Variants in NFIB observed in about 807,000 individuals in gnomAD.
The protein encoded by NFIB is nuclear factor 1 B-type.
Under a neutral mutation model 61.5 loss-of-function variants are expected in NFIB, and 11 were observed. The ratio of observed to expected loss-of-function variants is 0.18; its 90% CI spans 0.11 to 0.30. The LOEUF (loss-of-function observed/expected upper bound fraction) is 0.30, where lower values mean the gene tolerates loss of function less well. Among genes scored for constraint, NFIB ranks in the 10% least tolerant of loss-of-function variants. The probability of loss-of-function intolerance (pLI) is 1.00; values close to 1 mark genes in which losing one functional copy is unlikely to be tolerated. For synonymous variants in NFIB, 260 were observed against 216.5 expected, an observed-to-expected ratio of 1.20 and a Z score of -1.76; for missense variants, 471 against 608.9, an observed-to-expected ratio of 0.77 and a Z score of 2.38.
At chr9:14,304,567 CCAGT>C (rs1194101721) in intron 2 of NFIB, among the ~76,000 whole-genome samples, 1 of 152,170 alleles carries the variant, frequency 6.6e-6, no homozygotes, top group African/African-American at 2.4e-5. Context: ...TGTTTTTCTC[CCAGT>C]CATTTAGAAG....
intron 1 of NFIB, among the ~76,000 whole-genome samples, chr9:14,388,857 A>T (rs1224037732): frequency 6.6e-6 from 1 of 152,350 alleles, no homozygotes; most frequent in East Asian, 1.9e-4. Flanking sequence ...TGTGTATATG[A>T]CATGTCTTGT....
chr9:14,262,772 T>C (rs1161282193), intron 2 of NFIB, among the ~76,000 whole-genome samples: 6 of 151,902 alleles, frequency 3.9e-5, no homozygotes, highest in Admixed American at 3.9e-4. Context: ...CAGCTGTTTG[T>C]TTTTTGTTTA....
chr9:14,375,559 G>A (rs971383812), intron 1 of NFIB, among the ~76,000 whole-genome samples: 6 of 152,198 alleles, frequency 3.9e-5, no homozygotes, highest in East Asian at 1.9e-4. Flanking sequence ...TTGGGAGGCC[G>A]AGGCAGAAGA....
intron 2 of NFIB, among the ~76,000 whole-genome samples, chr9:14,298,901 G>C (rs1029402410): frequency 1.3e-5 from 2 of 152,180 alleles, no homozygotes; most frequent in Non-Finnish European, 2.9e-5. Flanking sequence ...GTTGCATCAG[G>C]TAGCAGGGTT....
chr9:14,287,146 T>C (rs1009393372), intron 2 of NFIB, among the ~76,000 whole-genome samples: 4 of 151,936 alleles, frequency 2.6e-5, no homozygotes, highest in Non-Finnish European at 5.9e-5. Flanking sequence ...AAAGAGCTAT[T>C]ATAGGCCGGG....
At chr9:14,379,716 C>T (rs1326528089) in intron 1 of NFIB, among the ~76,000 whole-genome samples, 1 of 151,914 alleles carries the variant, frequency 6.6e-6, no homozygotes, top group African/African-American at 2.4e-5. Context: ...GAGTTTTGCT[C>T]TTGTCGCCCA....
chr9:14,439,806 G>A, the NFIB span, among the ~76,000 whole-genome samples: 1 of 152,200 alleles, frequency 6.6e-6, no homozygotes, highest in Non-Finnish European at 1.5e-5. Context: ...AACAAGTAGA[G>A]AGGCAAAAAC....
intron 3 of NFIB, among the ~76,000 whole-genome samples, chr9:14,175,090 G>A (rs1164296669): frequency 2.0e-5 from 3 of 148,774 alleles, no homozygotes; most frequent in Non-Finnish European, 4.4e-5. Context: ...ACAACCTTCT[G>A]TTGGCTTTGA....
the NFIB span, among the ~76,000 whole-genome samples, chr9:14,446,983 G>T: frequency 2.0e-5 from 3 of 152,024 alleles, no homozygotes; most frequent in African/African-American, 7.2e-5. Flanking sequence ...ATCTCTAATG[G>T]ATAAGAACAT....
chr9:14,179,675 C>T (rs894949423), intron 3 of NFIB, 52 bp downstream of exon 3: 8 of 1,596,764 alleles, frequency 5.0e-6, no homozygotes, highest in African/African-American at 1.3e-5. Context: ...TACAGTGGTA[C>T]CTTTGTTCTC....
the NFIB span, among the ~76,000 whole-genome samples, chr9:14,437,408 T>C: frequency 1.3e-5 from 2 of 152,314 alleles, no homozygotes; most frequent in Non-Finnish European, 2.9e-5. Context: ...CAGTCTGTTG[T>C]ATGAGTGATT....
chr9:14,388,948 T>A (rs895675811), intron 1 of NFIB, among the ~76,000 whole-genome samples: 6 of 152,206 alleles, frequency 3.9e-5, no homozygotes, highest in Non-Finnish European at 7.3e-5. Context: ...TTAAAATTTT[T>A]CATGCTGGGG....
chr9:14,390,968 A>G (rs140133224), intron 1 of NFIB, among the ~76,000 whole-genome samples: 23 of 152,342 alleles, frequency 1.5e-4, no homozygotes, highest in African/African-American at 5.5e-4. Context: ...TCATACTGAT[A>G]TAACAAAATG....
the NFIB span, among the ~76,000 whole-genome samples, chr9:14,421,064 T>G: frequency 7.0e-6 from 1 of 142,740 alleles, no homozygotes. Flanking sequence ...TCACATAATT[T>G]AAGAGCTCTG....
At chr9:14,283,341 A>T (rs932088977) in intron 2 of NFIB, among the ~76,000 whole-genome samples, 1 of 152,246 alleles carries the variant, frequency 6.6e-6, no homozygotes, top group Non-Finnish European at 1.5e-5. Flanking sequence ...GAAGGAATTT[A>T]GATTGAGAAA....
At chr9:14,527,087 T>G in the NFIB span, among the ~76,000 whole-genome samples, 1 of 152,154 alleles carries the variant, frequency 6.6e-6, no homozygotes, top group Non-Finnish European at 1.5e-5. Context: ...TGGAAGAAGA[T>G]TAATGTATTT....
At chr9:14,399,316 T>C (rs559998000), upstream of NFIB, among the ~76,000 whole-genome samples, 2 of 152,324 alleles carry the variant, frequency 1.3e-5, no homozygotes, top group Admixed American at 6.5e-5. Context: ...TAGGACACGA[T>C]GTTATAGGCC....
chr9:14,238,100 T>G (rs914765670), intron 2 of NFIB, among the ~76,000 whole-genome samples: 1 of 151,902 alleles, frequency 6.6e-6, no homozygotes, highest in East Asian at 1.9e-4. Context: ...GTAGGAGATT[T>G]TGGGGGCACA....
At chr9:14,156,724 T>C (rs1010284123) in intron 3 of NFIB, among the ~76,000 whole-genome samples, 4 of 152,040 alleles carry the variant, frequency 2.6e-5, no homozygotes, top group African/African-American at 4.8e-5. Flanking sequence ...CCCACCCCAT[T>C]CTCATCTATG....
Sources: gnomAD v4.1 joint callset for allele counts (sites outside exome capture counted in the v4.1 genomes callset) on GRCh38, gnomAD v4.1.1 for gene constraint, MANE v1.5 for transcripts, NCBI Gene and HGNC (gene_info 2026-07-23, HGNC 2026-07-21) for gene names.